RASGRP3: variants seen among roughly 807,000 people sequenced by gnomAD.
RASGRP3 encodes ras guanyl-releasing protein 3.
RASGRP3 carries 54 observed loss-of-function variants against 82.7 expected under a neutral mutation model. That is an observed-to-expected ratio of 0.65 (90% CI 0.52 to 0.82). The LOEUF (loss-of-function observed/expected upper bound fraction) is 0.82. RASGRP3 is among the 40% of genes least tolerant of loss of function. RASGRP3 has a pLI of 0.00. For synonymous variants in RASGRP3, 309 were observed against 300.5 expected, an observed-to-expected ratio of 1.03 and a Z score of -0.29; for missense variants, 861 against 828.9, an observed-to-expected ratio of 1.04 and a Z score of -0.48.
At chr2:33,534,100 G>T in intron 10 of RASGRP3, 1 of 534,814 alleles carries the variant, frequency 1.9e-6, no homozygotes, top group South Asian at 2.3e-5. Flanking sequence ...TATTGCTGAG[G>T]AATTGAGTTG....
intron 1 of RASGRP3, among the ~76,000 whole-genome samples, chr2:33,494,633 A>G (rs1206453103): frequency 4.6e-5 from 7 of 152,168 alleles, no homozygotes; most frequent in Admixed American, 4.6e-4. Context: ...GGAATCTGAA[A>G]ATGTTTGCCT....
chr2:33,516,589 C>T lies in RASGRP3; in HGVS notation c.118C>T (p.Leu40=), dbSNP rs376602750. Residue 40 remains leucine (L), a synonymous_variant, in exon 4 of 18, where the codon CTG becomes TTG. Coordinates refer to ENST00000403687, the MANE Select transcript of RASGRP3 (RefSeq NM_001139488.2). ...TAGTTATTTGCCAAGAATAGTTCTACTGATGCACCGATGGTATTTATCTTC... is the reference window on the plus strand; with the variant it reads ...TAGTTATTTGCCAAGAATAGTTCTATTGATGCACCGATGGTATTTATCTTC... ...DNSYLPRIVL[L]MHRWYLSSTE... 53 of 1,595,902 alleles carry T rather than the reference C, an allele frequency of 3.3e-5. No individual in the cohort carries two copies. Among genetic ancestry groups the T allele is most frequent in the Middle Eastern group, 1.7e-4 (1 of 6,050 alleles).
chr2:33,499,589 G>T (rs1197364613), intron 1 of RASGRP3, among the ~76,000 whole-genome samples: 2 of 151,994 alleles, frequency 1.3e-5, no homozygotes, highest in Non-Finnish European at 2.9e-5. Flanking sequence ...CCAGTTTTTG[G>T]TATCTCAATG....
chr2:33,521,941 C>T lies in RASGRP3; in HGVS notation c.369-14C>T, dbSNP rs772274750. 5.0e-6 allele frequency: 8 copies of T among 1,601,312 alleles called. No homozygotes were observed. Among genetic ancestry groups the T allele is most frequent in the Admixed American group, 1.8e-5 (1 of 56,590 alleles). ...GCTTTCAACACATTGACCGGACTCA[C>T]TCTTCTTTTATAGTCCTTCCTATGA... On this transcript the variant is annotated splice_polypyrimidine_tract_variant and intron_variant, in intron 6 of 17. Coordinates refer to ENST00000403687, the MANE Select transcript of RASGRP3 (RefSeq NM_001139488.2).
Position 33,527,199 on chromosome 2 carries a change from C to G in RASGRP3, c.870C>G (p.Ala290=), listed in dbSNP as rs750628468. Residue 290 remains alanine, a synonymous_variant, in exon 10 of 18, where the codon GCC becomes GCG. Transcript: ENST00000403687. ...SNGNYCNYRK[A]FADCDGFKIP... is the part of the protein sequence containing the mutation. ...GCAATTACTGCAATTACCGCAAGGC[C>G]TTTGCCGACTGCGATGGCTTCAAAA... The G allele has an allele frequency of 6.2e-6, 10 of 1,614,040 alleles. No homozygotes were observed. In the South Asian group the frequency reaches 9.9e-5, roughly 16 times the overall value.
At chr2:33,507,592 C>A (rs1011911941) in intron 1 of RASGRP3, among the ~76,000 whole-genome samples, 6 of 152,218 alleles carry the variant, frequency 3.9e-5, no homozygotes, top group African/African-American at 1.4e-4. Context: ...GTAGCAGGAT[C>A]TCGACTCCCT....
chr2:33,545,054 A>G (rs1419490595), intron 13 of RASGRP3, among the ~76,000 whole-genome samples: 1 of 152,216 alleles, frequency 6.6e-6, no homozygotes, highest in Non-Finnish European at 1.5e-5. Context: ...GTTTGTTACT[A>G]TTAGTGACAT....
At chr2:33,484,173 A>G (rs1668168586) in intron 1 of RASGRP3, among the ~76,000 whole-genome samples, 1 of 152,220 alleles carries the variant, frequency 6.6e-6, no homozygotes, top group Non-Finnish European at 1.5e-5. Context: ...AGGAATGTGC[A>G]CACATGGGTT....
chr2:33,503,499 A>G (rs78315580), intron 1 of RASGRP3, among the ~76,000 whole-genome samples: 2,800 of 152,280 alleles, frequency 0.018, 140 homozygotes, highest in East Asian at 0.14. Flanking sequence ...TCTGAAACAA[A>G]AGGGAATGAC....
At chr2:33,509,719 A>C (rs1239612599) in intron 1 of RASGRP3, among the ~76,000 whole-genome samples, 1 of 152,138 alleles carries the variant, frequency 6.6e-6, no homozygotes, top group African/African-American at 2.4e-5. Context: ...TCTTTGCTAG[A>C]CTATAGAGGC....
At chr2:33,463,189 T>C (rs1007641687) in intron 2 of RASGRP3, among the ~76,000 whole-genome samples, 1 of 152,180 alleles carries the variant, frequency 6.6e-6, no homozygotes, top group Admixed American at 6.5e-5. Context: ...ACAAGGTGTT[T>C]TGTGGCATGA....
intron 13 of RASGRP3, among the ~76,000 whole-genome samples, chr2:33,546,923 C>G (rs780185444): frequency 6.6e-6 from 1 of 151,792 alleles, no homozygotes; most frequent in African/African-American, 2.4e-5. Context: ...AAAAATTAGC[C>G]GGGCGTGGTG....
intron 1 of RASGRP3, among the ~76,000 whole-genome samples, chr2:33,499,373 C>T (rs1199093699): frequency 2.6e-5 from 4 of 152,136 alleles, no homozygotes; most frequent in Admixed American, 1.3e-4. Context: ...GCCTGGGCAA[C>T]ATGGTGAAAC....
chr2:33,458,405 C>G (rs567729631), intron 2 of RASGRP3, among the ~76,000 whole-genome samples: 123 of 152,228 alleles, frequency 8.1e-4, no homozygotes, highest in Admixed American at 1.4e-3. Context: ...AGCGTGTTGG[C>G]TGGTGTAGCC....
chr2:33,441,256 TC>T (rs1195308195), intron 1 of RASGRP3, among the ~76,000 whole-genome samples: 1 of 151,950 alleles, frequency 6.6e-6, no homozygotes, highest in Non-Finnish European at 1.5e-5. Context: ...CATTTCCCTT[TC>T]CCCCCTCCTC....
chr2:33,556,731 C>G (rs1030843062), intron 15 of RASGRP3, among the ~76,000 whole-genome samples: 37 of 152,234 alleles, frequency 2.4e-4, no homozygotes, highest in South Asian at 1.9e-3. Flanking sequence ...ATGGAAGCCA[C>G]TGTTTAGTGC....
In RASGRP3 at chr2:33,558,425, G is replaced by T. The variant is rs113456476; in HGVS notation, c.1705+89G>T. On this transcript the variant is annotated intron_variant, in intron 16 of 17. Transcript: ENST00000403687. ...TCATTTAGGTTCTGGGTCTAAACCC[G>T]GTCAGTCACTCTAAACGCTAAGGCC... 1,752 of 1,587,692 alleles carry T rather than the reference G, an allele frequency of 1.1e-3. 20 individuals are homozygous for T. The African/African-American group carries it at 0.021, about 19-fold the overall frequency.
chr2:33,543,691 A>G lies in RASGRP3; in HGVS notation c.1394+64A>G, dbSNP rs970628984. The G allele has an allele frequency of 2.7e-5, 31 of 1,162,654 alleles. No homozygotes were observed. In the Admixed American group the frequency reaches 3.3e-4, roughly 12 times the overall value. 72.0% of individuals were successfully genotyped at this position (1,162,654 alleles called of 1,614,324 possible). A position where few individuals can be genotyped will look rare whatever the true frequency, so the allele number is the denominator to read the frequency against. On this transcript the variant is annotated intron_variant, in intron 13 of 17. Coordinates refer to ENST00000403687, the MANE Select transcript of RASGRP3 (RefSeq NM_001139488.2). ...TAAAGCAGAAAATTATTATCAGAGGAGAGAAGGGAAACTTGTAATTTGCAT... is the reference window on the plus strand; with the variant it reads ...TAAAGCAGAAAATTATTATCAGAGGGGAGAAGGGAAACTTGTAATTTGCAT...
At chr2:33,523,661 G>C (rs1161010595) in intron 7 of RASGRP3, among the ~76,000 whole-genome samples, 2 of 152,220 alleles carry the variant, frequency 1.3e-5, no homozygotes, top group African/African-American at 4.8e-5. Flanking sequence ...GTAGTAGTGG[G>C]TGTCTTTGCG....
Sources: allele counts gnomAD v4.1 joint callset (sites outside exome capture counted in the v4.1 genomes callset), GRCh38; gene constraint gnomAD v4.1.1; transcripts MANE v1.5; gene names NCBI Gene and HGNC (gene_info 2026-07-23, HGNC 2026-07-21).